The following LAMA1 variants were observed in gnomAD, a reference collection of about 807,000 sequenced individuals.
LAMA1 encodes the protein laminin subunit alpha-1.
LAMA1 carries 219 observed loss-of-function variants against 348.7 expected under a neutral mutation model. That is an observed-to-expected ratio of 0.63 (90% confidence interval 0.56 to 0.70). The LOEUF (loss-of-function observed/expected upper bound fraction) is 0.70, where lower values mean the gene tolerates loss of function less well. Among genes scored for constraint, LAMA1 ranks in the 30% least tolerant of loss-of-function variants. The pLI is 0.00. For missense variants in LAMA1, 3,744 were observed against 3,888.0 expected (o/e 0.96, Z 0.99); for synonymous variants, 1,487 against 1,491.0 (o/e 1.00, Z 0.06).
chr18:7,062,479 C>T (rs548837353), intron 3 of LAMA1, among the ~76,000 whole-genome samples: 7 of 152,264 alleles, frequency 4.6e-5, no homozygotes, highest in East Asian at 1.9e-4. Context: ...GTGGTTAAAA[C>T]GCTTAGACCA....
In LAMA1 at chr18:6,942,029, T is replaced by C. The variant is rs1210036527; in HGVS notation, c.*50A>G. The C allele has an allele frequency of 6.2e-7, 1 of 1,603,314 alleles. No individual in the cohort carries two copies. Among genetic ancestry groups the C allele is most frequent in the Non-Finnish European group, 8.5e-7 (1 of 1,170,944 alleles). The stretch of plus-strand genomic sequence containing the variant: ...AGAGATTCTTAATTCACACATACAC[T>C]TCTCCTCAAAATATTAGCAATGATT... On this transcript the variant is annotated 3_prime_UTR_variant, in exon 63 of 63. Transcript: ENST00000389658.
In LAMA1 at chr18:6,975,010, C is replaced by T. The variant is rs2057675253; in HGVS notation, c.6516G>A (p.Arg2172=). Residue 2172 remains arginine (R), a synonymous_variant, in exon 46 of 63, where the codon CGG becomes CGA. Coordinates refer to ENST00000389658, the MANE Select transcript of LAMA1 (RefSeq NM_005559.4). ...TASDFLAVEM[R]RGRVAFLWDL... ...CCCACAGGAAGGCCACTCTCCCTCG[C>T]CGCATCTCCACTGCAAGGAAATCAG... The T allele has an allele frequency of 6.2e-7, 1 of 1,614,034 alleles. No homozygotes were observed. The highest frequency in any genetic ancestry group is 8.5e-7 in the Non-Finnish European group (1 of 1,179,992).
At chr18:7,085,841 AC>A (rs1289597308) in intron 1 of LAMA1, among the ~76,000 whole-genome samples, 1 of 152,210 alleles carries the variant, frequency 6.6e-6, no homozygotes, top group African/African-American at 2.4e-5. Flanking sequence ...TAGTCACCTG[AC>A]TGAGCAATAA....
chr18:6,996,262 C>T (rs1362414497), intron 33 of LAMA1, among the ~76,000 whole-genome samples: 1 of 152,078 alleles, frequency 6.6e-6, no homozygotes, highest in African/African-American at 2.4e-5. Context: ...AAGACCACTG[C>T]AAATCAAGAC....
chr18:7,117,516 C>G (rs2058362559), intron 1 of LAMA1, 144 bp downstream of exon 1: 2 of 768,482 alleles, frequency 2.6e-6, no homozygotes, highest in Non-Finnish European at 4.1e-6. Context: ...CGCGGGAGAC[C>G]CACGTGGCCG....
chr18:7,053,946 T>G (rs2058071777), intron 3 of LAMA1, among the ~76,000 whole-genome samples: 1 of 151,990 alleles, frequency 6.6e-6, no homozygotes, highest in Non-Finnish European at 1.5e-5. Flanking sequence ...AATCTTTGTA[T>G]TTTTTTGTGT....
intron 28 of LAMA1, among the ~76,000 whole-genome samples, chr18:7,008,116 T>C (rs1436642842): frequency 1.3e-5 from 2 of 151,870 alleles, no homozygotes; most frequent in Admixed American, 6.6e-5. Flanking sequence ...AAGAGGGCCA[T>C]AGAGTGGTCA....
At chr18:7,009,173 G>A (rs1398422773) in intron 27 of LAMA1, 66 bp downstream of exon 27, 6 of 1,582,388 alleles carry the variant, frequency 3.8e-6, no homozygotes, top group African/African-American at 1.3e-5. Flanking sequence ...AGTGAAGTGA[G>A]TCAAATTCTT....
chr18:7,073,630 C>T, intron 3 of LAMA1, among the ~76,000 whole-genome samples: 1 of 152,040 alleles, frequency 6.6e-6, no homozygotes, highest in East Asian at 1.9e-4. Flanking sequence ...ATGCACATAC[C>T]ATGTTTTGAC....
intron 7 of LAMA1, among the ~76,000 whole-genome samples, chr18:7,043,847 A>G (rs912569903): frequency 2.6e-5 from 4 of 152,206 alleles, no homozygotes; most frequent in South Asian, 2.1e-4. Flanking sequence ...ATTTCACAAT[A>G]CATTGTTAAA....
chr18:6,992,171 T>C (rs2057761711), intron 36 of LAMA1, among the ~76,000 whole-genome samples: 1 of 152,224 alleles, frequency 6.6e-6, no homozygotes, highest in African/African-American at 2.4e-5. Context: ...TATTCTGGCA[T>C]AACATTGACC....
intron 12 of LAMA1, among the ~76,000 whole-genome samples, chr18:7,036,823 C>T (rs1247422318): frequency 6.6e-6 from 1 of 152,140 alleles, no homozygotes. Flanking sequence ...TACAAGACTA[C>T]ACTAGCATGC....
At position 7,035,075 on chromosome 18, in the gene LAMA1, A is replaced by G. The variant is rs115020490; in HGVS notation, c.1840-385T>C. 3.7e-3 allele frequency among the ~76,000 whole-genome samples: 557 copies of G among 152,320 alleles called. 5 individuals are homozygous for G. The highest frequency in any genetic ancestry group is 0.013 in the African/African-American group (533 of 41,580). On this transcript the variant is annotated intron_variant, in intron 13 of 62. Coordinates refer to ENST00000389658, the MANE Select transcript of LAMA1 (RefSeq NM_005559.4). ...CATCAAGTTGCTGTTCACAAAAGTG[A>G]TTTACCGTGTGCGGTCTGCAATTGG...
Position 6,997,756 on chromosome 18 carries a change from T to A in LAMA1, c.4792A>T (p.Thr1598Ser). The A allele has an allele frequency of 6.2e-7, 1 of 1,613,996 alleles. No individual in the cohort carries two copies. The highest frequency in any genetic ancestry group is 1.1e-5 in the South Asian group (1 of 91,068). ...YGILSNLENTTKYLQESLLKE... is the reference protein window; with the variant it reads ...YGILSNLENTSKYLQESLLKE... ...CCAGTACCTACCTGGAGATATTTAG[T>A]TGTATTTTCCAGGTTTGACAAAATT... The change falls in exon 33 of 63, where the codon ACT becomes TCT. Residue 1598 changes from threonine to serine, a missense_variant. By Grantham distance (58) the Thr-to-Ser change is moderately conservative. Coordinates refer to ENST00000389658, the MANE Select transcript of LAMA1 (RefSeq NM_005559.4).
chr18:6,946,180 G>A (rs557619775), intron 61 of LAMA1, among the ~76,000 whole-genome samples: 80 of 151,916 alleles, frequency 5.3e-4, no homozygotes, highest in African/African-American at 1.7e-3. Context: ...AGAGTAATAC[G>A]CCACCACAAA....
At chr18:7,092,996 C>G (rs770316677) in intron 1 of LAMA1, among the ~76,000 whole-genome samples, 1 of 152,148 alleles carries the variant, frequency 6.6e-6, no homozygotes, top group Non-Finnish European at 1.5e-5. Context: ...AAAATGTGGT[C>G]TTTAAAAAGG....
chr18:6,947,127 G>C (rs756641644), intron 61 of LAMA1, 36 bp downstream of exon 61: 12 of 1,613,252 alleles, frequency 7.4e-6, no homozygotes, highest in African/African-American at 1.3e-5. Flanking sequence ...TCTGACACTG[G>C]GGGGAGGAAG....
intron 3 of LAMA1, among the ~76,000 whole-genome samples, chr18:7,054,888 T>C (rs1431166175): frequency 2.0e-5 from 3 of 152,158 alleles, no homozygotes; most frequent in Admixed American, 2.0e-4. Context: ...TAGCTTACTT[T>C]AAGAATATAC....
chr18:7,036,152 A>C lies in LAMA1; in HGVS notation c.1738-64T>G. ...ACAATCACAGCAACAATCAAGTAAG[A>C]GGAAGTGGTCACTGGGATCCATCTG... On this transcript the variant is annotated intron_variant, in intron 12 of 62. Coordinates refer to ENST00000389658, the MANE Select transcript of LAMA1 (RefSeq NM_005559.4). 3 of 1,165,800 alleles carry C rather than the reference A, an allele frequency of 2.6e-6. No homozygotes were observed. In the East Asian group the frequency reaches 7.0e-5, roughly 27 times the overall value. The allele number at this position is 1,165,800 out of a possible 1,614,324, so 72.2% of individuals were successfully genotyped here. A position where few individuals can be genotyped will look rare whatever the true frequency, so the allele number is the denominator to read the frequency against.
Sources: allele counts gnomAD v4.1 joint callset (sites outside exome capture counted in the v4.1 genomes callset), GRCh38; gene constraint gnomAD v4.1.1; transcripts MANE v1.5; gene names NCBI Gene and HGNC (gene_info 2026-07-23, HGNC 2026-07-21).